The following PTPRD variants were observed in gnomAD, a reference collection of about 807,000 sequenced individuals.
The protein encoded by PTPRD is receptor-type tyrosine-protein phosphatase delta.
In PTPRD, 34 loss-of-function variants were observed where a neutral mutation model predicts 214.5. The observed-to-expected ratio is 0.16, with a 90% CI of 0.12 to 0.21. The LOEUF (loss-of-function observed/expected upper bound fraction) is 0.21. PTPRD is among the 10% of genes least tolerant of loss of function. PTPRD has a pLI of 1.00. For missense variants in PTPRD, 2,545 were observed against 2,398.7 expected, an observed-to-expected ratio of 1.06 and a Z score of -1.27; for synonymous variants, 1,128 against 845.7, an observed-to-expected ratio of 1.33 and a Z score of -5.79.
intron 8 of PTPRD, among the ~76,000 whole-genome samples, chr9:9,487,655 T>C (rs1164598791): frequency 6.6e-6 from 1 of 152,192 alleles, no homozygotes; most frequent in Non-Finnish European, 1.5e-5. Flanking sequence ...TTTTCAATCA[T>C]AATTATTTAT....
intron 11 of PTPRD, among the ~76,000 whole-genome samples, chr9:8,884,758 T>A (rs572389805): frequency 1.3e-5 from 2 of 152,230 alleles, no homozygotes; most frequent in Non-Finnish European, 2.9e-5. Flanking sequence ...CTGGACTGAT[T>A]TGCCATAACT....
intron 6 of PTPRD, among the ~76,000 whole-genome samples, chr9:9,759,534 C>G (rs1263768453): frequency 6.8e-6 from 1 of 146,200 alleles, no homozygotes; most frequent in Non-Finnish European, 1.5e-5. Flanking sequence ...ATGCAAACAT[C>G]TTCAAATAGT....
intron 8 of PTPRD, among the ~76,000 whole-genome samples, chr9:9,565,102 A>C (rs2084101183): frequency 6.6e-6 from 1 of 151,640 alleles, no homozygotes; most frequent in African/African-American, 2.4e-5. Context: ...AGTTATATTC[A>C]AATATTTTAT....
chr9:9,056,685 G>A (rs764637990), intron 10 of PTPRD, among the ~76,000 whole-genome samples: 1 of 152,146 alleles, frequency 6.6e-6, no homozygotes, highest in Non-Finnish European at 1.5e-5. Flanking sequence ...ATAAGGTTGT[G>A]CTTATAAGCC....
At chr9:9,418,581 A>C (rs2077680606) in intron 8 of PTPRD, among the ~76,000 whole-genome samples, 1 of 151,994 alleles carries the variant, frequency 6.6e-6, no homozygotes, top group African/African-American at 2.4e-5. Context: ...TCTTATCTGT[A>C]AAATGGCCAT....
At chr9:9,920,722 A>G (rs1368696392) in intron 5 of PTPRD, among the ~76,000 whole-genome samples, 7 of 152,148 alleles carry the variant, frequency 4.6e-5, no homozygotes, top group African/African-American at 1.4e-4. Context: ...GGAGGGCTAT[A>G]GCCTGTCGAT....
At chr9:8,572,934 TTAAA>T (rs1182870664) in intron 14 of PTPRD, among the ~76,000 whole-genome samples, 1 of 152,058 alleles carries the variant, frequency 6.6e-6, no homozygotes, top group Non-Finnish European at 1.5e-5. Flanking sequence ...CAAAAGCTGG[TTAAA>T]TATTCAACGT....
At chr9:9,615,465 T>G (rs1316934173) in intron 7 of PTPRD, among the ~76,000 whole-genome samples, 1 of 152,198 alleles carries the variant, frequency 6.6e-6, no homozygotes, top group Non-Finnish European at 1.5e-5. Flanking sequence ...CCAAGGGAAG[T>G]CTTCCCTATT....
At chr9:8,750,689 T>C (rs7040648) in intron 11 of PTPRD, among the ~76,000 whole-genome samples, 8,754 of 152,184 alleles carry the variant, frequency 0.058, 650 homozygotes, top group African/African-American at 0.17. Flanking sequence ...GAGGCTGGGA[T>C]GCAGGAATGA....
chr9:8,703,820 C>T (rs968410243), intron 12 of PTPRD, among the ~76,000 whole-genome samples: 2 of 152,154 alleles, frequency 1.3e-5, no homozygotes, highest in African/African-American at 4.8e-5. Context: ...GCTTATTTGG[C>T]ATCTCCAGAA....
At chr9:8,890,837 A>G (rs562610514) in intron 11 of PTPRD, among the ~76,000 whole-genome samples, 1 of 152,256 alleles carries the variant, frequency 6.6e-6, no homozygotes, top group East Asian at 1.9e-4. Context: ...TTGTTACTTC[A>G]TCATGAAAGC....
At chr9:10,038,835 C>T (rs950757932) in intron 3 of PTPRD, among the ~76,000 whole-genome samples, 1 of 151,934 alleles carries the variant, frequency 6.6e-6, no homozygotes, top group African/African-American at 2.4e-5. Context: ...TATTCCCTCC[C>T]CTCAATCCCT....
chr9:10,413,148 A>G (rs2098454333), intron 2 of PTPRD, among the ~76,000 whole-genome samples: 1 of 151,936 alleles, frequency 6.6e-6, no homozygotes, highest in African/African-American at 2.4e-5. Context: ...AAAAGAATCC[A>G]TATAGGAAGA....
At chr9:9,222,203 C>T (rs570898447) in intron 9 of PTPRD, among the ~76,000 whole-genome samples, 41 of 151,920 alleles carry the variant, frequency 2.7e-4, no homozygotes, top group Non-Finnish European at 5.4e-4. Context: ...CCTTTTGTTA[C>T]TATAGCCTGT....
At chr9:9,276,386 T>C (rs1945643192) in intron 9 of PTPRD, among the ~76,000 whole-genome samples, 1 of 151,378 alleles carries the variant, frequency 6.6e-6, no homozygotes, top group Non-Finnish European at 1.5e-5. Context: ...AGATGTAGTC[T>C]AGAATATCAG....
At chr9:8,973,259 T>C (rs1052872143) in intron 11 of PTPRD, among the ~76,000 whole-genome samples, 1 of 151,926 alleles carries the variant, frequency 6.6e-6, no homozygotes, top group Non-Finnish European at 1.5e-5. Context: ...TTTTTTTCCA[T>C]ATTTATGTCC....
chr9:9,467,991 A>T (rs933677682), intron 8 of PTPRD, among the ~76,000 whole-genome samples: 3 of 152,126 alleles, frequency 2.0e-5, no homozygotes, highest in Non-Finnish European at 4.4e-5. Context: ...ACTATTAAAC[A>T]TCACTATCCT....
At chr9:8,561,304 GA>G (rs975309573) in intron 14 of PTPRD, among the ~76,000 whole-genome samples, 1 of 152,030 alleles carries the variant, frequency 6.6e-6, no homozygotes, top group Non-Finnish European at 1.5e-5. Context: ...GCCACACTGA[GA>G]AAAAAACCAC....
chr9:8,902,144 C>A (rs1313321536), intron 11 of PTPRD, among the ~76,000 whole-genome samples: 1 of 142,954 alleles, frequency 7.0e-6, no homozygotes, highest in Non-Finnish European at 1.5e-5. Flanking sequence ...ATATTAATCT[C>A]ATTTAGGCTT....
Sources: allele counts gnomAD v4.1 joint callset (sites outside exome capture counted in the v4.1 genomes callset), GRCh38; gene constraint gnomAD v4.1.1; transcripts MANE v1.5; gene names NCBI Gene and HGNC (gene_info 2026-07-23, HGNC 2026-07-21).